Variants in CDC123 observed in about 807,000 individuals in gnomAD.
CDC123 encodes the protein translation initiation factor eIF2 assembly protein.
CDC123 carries 37 observed loss-of-function variants against 54.4 expected under a neutral mutation model. That is an observed-to-expected ratio of 0.68 (90% CI 0.52 to 0.89). The LOEUF is 0.89. Among genes scored for constraint, CDC123 ranks in the 40% least tolerant of loss-of-function variants. CDC123 has a pLI of 0.00. For missense variants in CDC123, 361 were observed against 412.1 expected (o/e 0.88, Z 1.07); for synonymous variants, 144 against 136.8 (o/e 1.05, Z -0.37).
chr10:12,244,950 A>G (rs184308389), intron 10 of CDC123: 370 of 152,560 alleles, frequency 2.4e-3, no homozygotes, highest in Non-Finnish European at 4.4e-3. Context: ...CGGAGGTTGC[A>G]GTGAGCCGAG....
intron 7 of CDC123, among the ~76,000 whole-genome samples, chr10:12,232,816 C>G (rs189166218): frequency 9.6e-4 from 145 of 150,778 alleles, no homozygotes; most frequent in African/African-American, 3.4e-3. Context: ...CAGAGTCTTG[C>G]TCTGTCACCC....
At chr10:12,226,584 G>A (rs1358198414) in intron 6 of CDC123, among the ~76,000 whole-genome samples, 5 of 151,608 alleles carry the variant, frequency 3.3e-5, no homozygotes, top group Admixed American at 2.6e-4. Context: ...AGACAGCGTC[G>A]CGGCTGGGCA....
At chr10:12,240,951 G>A (rs1419665360) in intron 10 of CDC123, among the ~76,000 whole-genome samples, 1 of 152,172 alleles carries the variant, frequency 6.6e-6, no homozygotes, top group African/African-American at 2.4e-5. Context: ...ATTCCTAGAA[G>A]CGGGATTGCT....
At chr10:12,199,431 C>A (rs1027563144) in intron 2 of CDC123, among the ~76,000 whole-genome samples, 9 of 152,166 alleles carry the variant, frequency 5.9e-5, no homozygotes, top group Admixed American at 3.3e-4. Flanking sequence ...CATTTTTCTG[C>A]ATAACACTTA....
chr10:12,239,710 T>TTAA (rs1491390863), intron 10 of CDC123, among the ~76,000 whole-genome samples: 2 of 145,090 alleles, frequency 1.4e-5, no homozygotes, highest in African/African-American at 5.1e-5. Context: ...CTCTGTTTTT[T>TTAA]AAAAAAAAAA....
At chr10:12,245,430 A>AT (rs1210845557) in intron 10 of CDC123, 3 of 152,020 alleles carry the variant, frequency 2.0e-5, no homozygotes, top group East Asian at 3.9e-4. Context: ...TAATTTTTAT[A>AT]TTTTTTTGTA....
chr10:12,225,159 C>T (rs1211581468), intron 6 of CDC123, among the ~76,000 whole-genome samples: 1 of 152,100 alleles, frequency 6.6e-6, no homozygotes, highest in Non-Finnish European at 1.5e-5. Context: ...CTTTGGGAGG[C>T]CGAGGCAGGT....
intron 4 of CDC123, among the ~76,000 whole-genome samples, chr10:12,213,011 G>A (rs556590763): frequency 1.3e-5 from 2 of 152,314 alleles, no homozygotes; most frequent in South Asian, 4.1e-4. Flanking sequence ...GGGAAAAAAG[G>A]AAGCTTGTCT....
intron 2 of CDC123, among the ~76,000 whole-genome samples, chr10:12,200,335 C>T (rs943636212): frequency 1.3e-5 from 2 of 150,794 alleles, no homozygotes; most frequent in Admixed American, 6.6e-5. Flanking sequence ...CCATGTTGGC[C>T]GGGCTGTCTT....
At chr10:12,215,005 C>T (rs1835645583) in intron 4 of CDC123, among the ~76,000 whole-genome samples, 1 of 152,024 alleles carries the variant, frequency 6.6e-6, no homozygotes, top group African/African-American at 2.4e-5. Flanking sequence ...TCCATAAGCT[C>T]CTGTGATAGT....
intron 6 of CDC123, among the ~76,000 whole-genome samples, chr10:12,219,064 T>C (rs1016070108): frequency 6.6e-6 from 1 of 152,210 alleles, no homozygotes; most frequent in Non-Finnish European, 1.5e-5. Flanking sequence ...CCCTGTCCAG[T>C]TGAGTTTGTC....
chr10:12,215,960 T>A, intron 5 of CDC123, 125 bp downstream of exon 5: 1 of 575,890 alleles, frequency 1.7e-6, no homozygotes, highest in Non-Finnish European at 2.9e-6. Flanking sequence ...GTGGAATTTA[T>A]TATTAATTTC....
At chr10:12,226,625 C>T (rs939022445) in intron 6 of CDC123, among the ~76,000 whole-genome samples, 11 of 151,014 alleles carry the variant, frequency 7.3e-5, no homozygotes, top group African/African-American at 9.7e-5. Context: ...GACGGGGCGG[C>T]GGGGCAGAGG....
intron 10 of CDC123, among the ~76,000 whole-genome samples, 188 bp downstream of exon 10, chr10:12,238,673 C>T (rs1298666003): frequency 6.6e-6 from 1 of 151,728 alleles, no homozygotes; most frequent in Non-Finnish European, 1.5e-5. Flanking sequence ...CTCAGGAGTT[C>T]GAGACTAGCC....
chr10:12,214,538 C>G (rs1023158891), intron 4 of CDC123, among the ~76,000 whole-genome samples: 1 of 152,212 alleles, frequency 6.6e-6, no homozygotes. Context: ...GTCTAGAGGT[C>G]AGATTTATCT....
chr10:12,237,040 C>A lies in CDC123; in HGVS notation c.566-104C>A. The A allele has an allele frequency of 3.0e-6, 4 of 1,334,956 alleles. No homozygotes were observed. In the South Asian group the frequency reaches 7.8e-5, roughly 26 times the overall value. 82.7% of individuals were successfully genotyped at this position (1,334,956 alleles called of 1,614,324 possible). On this transcript the variant is annotated intron_variant, in intron 8 of 12. Coordinates refer to ENST00000281141, the MANE Select transcript of CDC123 (RefSeq NM_006023.3). Reference sequence around the variant, plus strand: ...ATGCCGTACCCATCAGGGTGATCTTCTAATCTACTTTAATGGTTCTTTCCA... The same window carrying A: ...ATGCCGTACCCATCAGGGTGATCTTATAATCTACTTTAATGGTTCTTTCCA...
At chr10:12,204,992 CAAAAAAAAAAA>C (rs35683792) in intron 2 of CDC123, among the ~76,000 whole-genome samples, 90 of 64,482 alleles carry the variant, frequency 1.4e-3, no homozygotes, top group African/African-American at 4.5e-3. Flanking sequence ...GACTCCATAT[CAAAAAAAAAAA>C]AAAAAAAAAA....
At chr10:12,227,409 C>T (rs958787839) in intron 6 of CDC123, among the ~76,000 whole-genome samples, 1 of 152,012 alleles carries the variant, frequency 6.6e-6, no homozygotes, top group African/African-American at 2.4e-5. Flanking sequence ...TTCATTGGAA[C>T]GTTTTCCTTT....
At chr10:12,232,374 T>C (rs1835912804) in intron 7 of CDC123, among the ~76,000 whole-genome samples, 1 of 152,180 alleles carries the variant, frequency 6.6e-6, no homozygotes, top group Admixed American at 6.6e-5. Flanking sequence ...AATCTGTCTT[T>C]AGTGTCTGTT....
Sources: allele counts gnomAD v4.1 joint callset (sites outside exome capture counted in the v4.1 genomes callset), GRCh38; gene constraint gnomAD v4.1.1; transcripts MANE v1.5; gene names NCBI Gene and HGNC (gene_info 2026-07-23, HGNC 2026-07-21).